BMPER: variants seen among roughly 807,000 people sequenced by gnomAD.
The protein encoded by BMPER is BMP binding endothelial regulator, also known as BMP-binding endothelial regulator protein.
Under a neutral mutation model 87.3 loss-of-function variants are expected in BMPER, and 45 were observed. The ratio of observed to expected loss-of-function variants is 0.52; its 90% CI spans 0.41 to 0.66. The LOEUF (loss-of-function observed/expected upper bound fraction) is 0.66. Ranked by LOEUF, BMPER falls within the 30% of genes least tolerant of loss-of-function variation. The pLI is 0.00. For synonymous variants in BMPER, 326 were observed against 316.2 expected, an observed-to-expected ratio of 1.03 and a Z score of -0.33; for missense variants, 784 against 867.5, an observed-to-expected ratio of 0.90 and a Z score of 1.21.
chr7:33,958,780 A>G (rs141564271), intron 3 of BMPER, among the ~76,000 whole-genome samples: 1 of 152,248 alleles, frequency 6.6e-6, no homozygotes, highest in Non-Finnish European at 1.5e-5. Flanking sequence ...TAGATGTGCT[A>G]CCTTTGGGTT....
At chr7:33,927,968 A>C (rs988157609) in intron 2 of BMPER, among the ~76,000 whole-genome samples, 1 of 152,198 alleles carries the variant, frequency 6.6e-6, no homozygotes, top group Non-Finnish European at 1.5e-5. Flanking sequence ...GGCGCCCAGC[A>C]GTGTAAAATA....
intron 3 of BMPER, among the ~76,000 whole-genome samples, chr7:33,948,791 C>G (rs1784950090): frequency 6.6e-6 from 1 of 152,172 alleles, no homozygotes; most frequent in Non-Finnish European, 1.5e-5. Flanking sequence ...AATTAAAACT[C>G]TTTTCTTTAT....
intron 12 of BMPER, among the ~76,000 whole-genome samples, chr7:34,080,562 C>A (rs539243884): frequency 2.0e-5 from 3 of 152,316 alleles, no homozygotes; most frequent in Admixed American, 2.0e-4. Flanking sequence ...CACACACCTG[C>A]TCTTATATCC....
Position 34,090,860 on chromosome 7 carries a change from G to A in BMPER, c.1745+4768G>A, listed in dbSNP as rs527456255. On this transcript the variant is annotated intron_variant, in intron 13 of 14. Transcript: ENST00000649409. ...TTTTCCTCTCTGCACTCTCCTTGAC[G>A]GGGTATCATTCACCAGAGCGAAAAC... Among the ~76,000 whole-genome samples the A allele has an allele frequency of 5.9e-5, 9 of 152,282 alleles. No individual in the cohort carries two copies. The East Asian group carries it at 1.2e-3, about 20-fold the overall frequency.
At chr7:34,146,160 G>T (rs1314300875) in intron 14 of BMPER, among the ~76,000 whole-genome samples, 1 of 152,126 alleles carries the variant, frequency 6.6e-6, no homozygotes, top group Non-Finnish European at 1.5e-5. Context: ...ATTCAGTTCA[G>T]ATTCATGTAG....
intron 11 of BMPER, among the ~76,000 whole-genome samples, chr7:34,076,244 C>T (rs568759250): frequency 7.9e-5 from 12 of 152,222 alleles, no homozygotes; most frequent in East Asian, 1.9e-4. Flanking sequence ...GCTTCTATGA[C>T]GACTTGCTTT....
rs1489690330 is a variant in BMPER, at chr7:34,082,458, A to C, written c.1408+3272A>C. Among the ~76,000 whole-genome samples the C allele has an allele frequency of 5.3e-5, 8 of 151,470 alleles. No homozygotes were observed. The Admixed American group carries it at 5.3e-4, about 10-fold the overall frequency. The stretch of plus-strand genomic sequence containing the variant: ...ATAGCCAGACAAGGGCATCTGTAGT[A>C]GAGTAAGTCATCCCTTCACAATGCA... On this transcript the variant is annotated intron_variant, in intron 12 of 14. Coordinates refer to ENST00000649409, the MANE Select transcript of BMPER (RefSeq NM_001365308.1).
At chr7:34,033,552 C>T (rs1328615341) in intron 6 of BMPER, among the ~76,000 whole-genome samples, 1 of 152,192 alleles carries the variant, frequency 6.6e-6, no homozygotes, top group African/African-American at 2.4e-5. Context: ...TAAGACACTA[C>T]CATCAACTTT....
intron 3 of BMPER, among the ~76,000 whole-genome samples, chr7:33,963,683 A>G (rs1785330256): frequency 6.6e-6 from 1 of 152,062 alleles, no homozygotes; most frequent in Non-Finnish European, 1.5e-5. Context: ...AATCCCACCT[A>G]CTCAGGGGGC....
At chr7:33,928,247 A>G (rs1403502927) in intron 2 of BMPER, among the ~76,000 whole-genome samples, 1 of 152,070 alleles carries the variant, frequency 6.6e-6, no homozygotes, top group Non-Finnish European at 1.5e-5. Flanking sequence ...GTGAGTTGCA[A>G]CCTACCTGTT....
At position 34,078,576 on chromosome 7, in the gene BMPER, C is replaced by T. The variant is rs373607329; in HGVS notation, c.1079-281C>T. ...GTTATCTTAGTTCAGTTTCTTCATTCCCTACGTTAAGATCATGGAAGCATA... is the reference window on the plus strand; with the variant it reads ...GTTATCTTAGTTCAGTTTCTTCATTTCCTACGTTAAGATCATGGAAGCATA... On this transcript the variant is annotated intron_variant, in intron 11 of 14. Coordinates refer to ENST00000649409, the MANE Select transcript of BMPER (RefSeq NM_001365308.1). Among the ~76,000 whole-genome samples, 9 of 152,246 alleles carry T rather than the reference C, an allele frequency of 5.9e-5. No homozygotes were observed. The East Asian group carries it at 1.2e-3, about 20-fold the overall frequency.
At position 34,041,320 on chromosome 7, in the gene BMPER, C is replaced by A. The variant is rs144431385; in HGVS notation, c.577-4986C>A. Among the ~76,000 whole-genome samples the A allele has an allele frequency of 2.5e-4, 38 of 152,274 alleles. 1 individual carries two copies. The East Asian group carries it at 6.4e-3, about 26-fold the overall frequency. On this transcript the variant is annotated intron_variant, in intron 6 of 14. Transcript: ENST00000649409. ...AAGTACCTAAGCACAGTACCTGGCA[C>A]AACCCAGGCTTGTCACTCACTACCT...
chr7:34,102,725 C>T lies in BMPER; in HGVS notation c.1745+16633C>T, dbSNP rs528998434. 1.5e-4 allele frequency among the ~76,000 whole-genome samples: 23 copies of T among 152,194 alleles called. 1 individual carries two copies. The highest frequency in any genetic ancestry group is 2.8e-4 in the Non-Finnish European group (19 of 68,040). ...AGAGGAGTGACCTCTTTGCACCAGA[C>T]GCTCTGCTAGGCTCAGGGGACACAT... On this transcript the variant is annotated intron_variant, in intron 13 of 14. Transcript: ENST00000649409.
intron 10 of BMPER, among the ~76,000 whole-genome samples, chr7:34,060,288 T>C (rs1318211103): frequency 1.3e-5 from 2 of 151,988 alleles, no homozygotes; most frequent in African/African-American, 4.8e-5. Flanking sequence ...CACATTTGTT[T>C]GGAGTCTTGG....
intron 2 of BMPER, among the ~76,000 whole-genome samples, chr7:33,929,155 A>G (rs573283037): frequency 6.6e-6 from 1 of 152,258 alleles, no homozygotes; most frequent in South Asian, 2.1e-4. Context: ...CGTGTTTGCC[A>G]GGGCCTGGGT....
At chr7:33,929,172 G>A (rs1206351195) in intron 2 of BMPER, among the ~76,000 whole-genome samples, 1 of 152,110 alleles carries the variant, frequency 6.6e-6, no homozygotes, top group East Asian at 1.9e-4. Context: ...GGGTCTCTGG[G>A]GTAAAGACTC....
intron 6 of BMPER, among the ~76,000 whole-genome samples, chr7:33,991,360 C>A (rs6960205): frequency 0.011 from 1,748 of 152,006 alleles, 32 homozygotes; most frequent in African/African-American, 0.04. Flanking sequence ...TGTATGGGTC[C>A]AGGAATTTAT....
intron 6 of BMPER, among the ~76,000 whole-genome samples, chr7:34,027,634 G>T (rs1787390813): frequency 6.6e-6 from 1 of 152,034 alleles, no homozygotes; most frequent in African/African-American, 2.4e-5. Flanking sequence ...AGCATGATTT[G>T]ACAGACAAAT....
At chr7:34,020,895 C>T (rs1422460710) in intron 6 of BMPER, among the ~76,000 whole-genome samples, 5 of 151,520 alleles carry the variant, frequency 3.3e-5, no homozygotes, top group Admixed American at 6.6e-5. Flanking sequence ...CACACACGCA[C>T]GCACACACAC....
Sources: allele counts gnomAD v4.1 joint callset (sites outside exome capture counted in the v4.1 genomes callset), GRCh38; gene constraint gnomAD v4.1.1; transcripts MANE v1.5; gene names NCBI Gene and HGNC (gene_info 2026-07-23, HGNC 2026-07-21).